Variants in ANO3 observed in about 807,000 individuals in gnomAD.
ANO3 encodes anoctamin-3.
Under a neutral mutation model 144.8 loss-of-function variants are expected in ANO3, and 99 were observed. The observed-to-expected ratio is 0.68, with a 90% CI of 0.58 to 0.81. ANO3 has a LOEUF of 0.81. Ranked by LOEUF, ANO3 falls within the 30% of genes least tolerant of loss-of-function variation. ANO3 has a pLI of 0.00. For synonymous variants in ANO3, 414 were observed against 392.6 expected, an observed-to-expected ratio of 1.05 and a Z score of -0.64; for missense variants, 905 against 1,202.2, an observed-to-expected ratio of 0.75 and a Z score of 3.66.
Position 26,358,292 on chromosome 11 carries a change from G to A in ANO3, c.46+25971G>A, listed in dbSNP as rs184608398. Among the ~76,000 whole-genome samples the A allele has an allele frequency of 9.0e-4, 136 of 150,424 alleles. No homozygotes were observed. The South Asian group carries it at 0.012, about 14-fold the overall frequency. On this transcript the variant is annotated intron_variant, in intron 1 of 26. Coordinates refer to ENST00000256737, the MANE Select transcript of ANO3 (RefSeq NM_031418.4). ...GTTCAAGCGATTCTCCTGCCTCAGC[G>A]TCCTGAGTAGCTGGGACTAAAGGCA... is the stretch of plus-strand genomic sequence containing the variant.
At chr11:26,289,808 A>G (rs945373404) in intron 1 of ANO3, among the ~76,000 whole-genome samples, 2 of 150,252 alleles carry the variant, frequency 1.3e-5, no homozygotes, top group African/African-American at 4.9e-5. Context: ...ATGTGTGTGT[A>G]TATATGTATA....
intron 1 of ANO3, among the ~76,000 whole-genome samples, chr11:26,218,788 C>T (rs1358663301): frequency 2.0e-5 from 3 of 151,836 alleles, no homozygotes; most frequent in African/African-American, 7.3e-5. Context: ...GCCTGTAGCC[C>T]ATAACATGGC....
intron 24 of ANO3, among the ~76,000 whole-genome samples, chr11:26,651,497 C>T (rs1853530993): frequency 1.3e-5 from 2 of 152,132 alleles, no homozygotes; most frequent in African/African-American, 2.4e-5. Flanking sequence ...TCTGTTAAAA[C>T]AGGCATTAAA....
chr11:26,269,160 G>A (rs555205781), intron 1 of ANO3, among the ~76,000 whole-genome samples: 3 of 152,250 alleles, frequency 2.0e-5, no homozygotes. Flanking sequence ...ATACACTTCA[G>A]GACTCAGCTC....
chr11:26,408,300 A>G (rs1234982040), intron 1 of ANO3, among the ~76,000 whole-genome samples: 1 of 151,830 alleles, frequency 6.6e-6, no homozygotes. Context: ...CAACCCCATC[A>G]AAAAGTGGGC....
intron 6 of ANO3, among the ~76,000 whole-genome samples, chr11:26,519,794 A>G (rs1230838493): frequency 6.6e-6 from 1 of 152,164 alleles, no homozygotes; most frequent in Non-Finnish European, 1.5e-5. Context: ...TTGGTAACAA[A>G]TGTTTGCCTT....
At chr11:26,311,354 C>T (rs547122685) in intron 1 of ANO3, among the ~76,000 whole-genome samples, 4 of 152,152 alleles carry the variant, frequency 2.6e-5, no homozygotes, top group Non-Finnish European at 5.9e-5. Context: ...TCTGCCCTCA[C>T]GAAGGCCTGA....
Position 26,246,716 on chromosome 11 carries a change from G to A in ANO3, c.154+57386G>A, listed in dbSNP as rs566104155. Among the ~76,000 whole-genome samples the A allele has an allele frequency of 2.5e-3, 376 of 152,012 alleles. 1 individual carries two copies. The highest frequency in any genetic ancestry group is 8.6e-3 in the African/African-American group (358 of 41,472). On this transcript the variant is annotated intron_variant, in intron 1 of 27. Transcript: ENST00000672621. ...CATAATCCTCGTGTGTGGCAGAGAC[G>A]TGGTGGGAGGTAATTGAGTCATGGG... is the stretch of plus-strand genomic sequence containing the variant.
At position 26,244,765 on chromosome 11, in the gene ANO3, G is replaced by A. The variant is rs144768406; in HGVS notation, c.154+55435G>A. Among the ~76,000 whole-genome samples, 174 of 152,048 alleles carry A rather than the reference G, an allele frequency of 1.1e-3. 1 individual carries two copies. The highest frequency in any genetic ancestry group is 3.4e-3 in the Middle Eastern group (1 of 294). ...GGTACTGCATCCTACATCTTCTGTG[G>A]TCTCTTATGTAACTGAAATAAAATG... On this transcript the variant is annotated intron_variant, in intron 1 of 27. Transcript: ENST00000672621.
chr11:26,383,488 T>C (rs1394421768), intron 1 of ANO3, among the ~76,000 whole-genome samples: 2 of 151,854 alleles, frequency 1.3e-5, no homozygotes, highest in African/African-American at 4.8e-5. Context: ...ATAATTAAAC[T>C]CACAGTAGTA....
chr11:26,653,452 A>G (rs1565168626), intron 24 of ANO3, among the ~76,000 whole-genome samples: 1 of 152,046 alleles, frequency 6.6e-6, no homozygotes, highest in Non-Finnish European at 1.5e-5. Flanking sequence ...AGCTCAAGAC[A>G]CTATCATCTC....
At position 26,550,960 on chromosome 11, in the gene ANO3, C is replaced by G. The variant is rs148557734; in HGVS notation, c.1290-2289C>G. Among the ~76,000 whole-genome samples the G allele has an allele frequency of 3.7e-3, 561 of 152,022 alleles. 3 individuals are homozygous for G. Among genetic ancestry groups the G allele is most frequent in the Middle Eastern group, 0.01 (3 of 294 alleles). On this transcript the variant is annotated intron_variant, in intron 12 of 26. Coordinates refer to ENST00000256737, the MANE Select transcript of ANO3 (RefSeq NM_031418.4). ...TTTAAAAGAGTAGTAGCAATCCTAA[C>G]AGGTGTGAGGTGATTTTTTATTGTA...
intron 1 of ANO3, among the ~76,000 whole-genome samples, chr11:26,234,631 A>C (rs1249142621): frequency 6.6e-6 from 1 of 152,134 alleles, no homozygotes; most frequent in African/African-American, 2.4e-5. Context: ...AGCCAACATG[A>C]CTCACAGGTG....
chr11:26,627,814 A>T (rs1256061518), intron 18 of ANO3, among the ~76,000 whole-genome samples: 2 of 131,280 alleles, frequency 1.5e-5, no homozygotes, highest in Middle Eastern at 3.9e-3. Context: ...AATAGAATCT[A>T]GTGTGTGTGT....
Position 26,656,170 on chromosome 11 carries a change from G to A in ANO3, c.2622G>A (p.Leu874=). ...YVNNSLSFFD[L]SELGMGKSGY... is the part of the protein sequence containing the mutation. ...ACAATAGCCTATCCTTCTTTGACCTGAGTGAGCTTGGTATGGGAAAATCTG... is the reference window on the plus strand; with the variant it reads ...ACAATAGCCTATCCTTCTTTGACCTAAGTGAGCTTGGTATGGGAAAATCTG... The change falls in exon 25 of 27, where the codon CTG becomes CTA. Residue 874 remains leucine, a synonymous_variant. Transcript: ENST00000256737. 1 of 1,613,680 alleles carries A rather than the reference G, an allele frequency of 6.2e-7. No individual in the cohort carries two copies. Among genetic ancestry groups the A allele is most frequent in the Non-Finnish European group, 8.5e-7 (1 of 1,179,736 alleles).
At chr11:26,563,827 A>G (rs1018815700) in intron 14 of ANO3, among the ~76,000 whole-genome samples, 1 of 151,878 alleles carries the variant, frequency 6.6e-6, no homozygotes, top group Non-Finnish European at 1.5e-5. Flanking sequence ...CTTGCATATC[A>G]AGAACAGTTG....
chr11:26,218,985 A>C (rs544348824), intron 1 of ANO3, among the ~76,000 whole-genome samples: 1 of 152,220 alleles, frequency 6.6e-6, no homozygotes, highest in Non-Finnish European at 1.5e-5. Context: ...ACCACCTACT[A>C]GGTTAGGGTT....
chr11:26,529,142 TA>T (rs372597973), intron 7 of ANO3, among the ~76,000 whole-genome samples: 516 of 3,118 alleles, frequency 0.17, 195 homozygotes, highest in Middle Eastern at 0.67. Flanking sequence ...ATATATATTA[TA>T]TAATAATATA....
chr11:26,237,480 G>A (rs1852560607), intron 1 of ANO3, among the ~76,000 whole-genome samples: 1 of 151,480 alleles, frequency 6.6e-6, no homozygotes, highest in Non-Finnish European at 1.5e-5. Context: ...CATATTTTAT[G>A]TAATTTCACT....
Sources: allele counts gnomAD v4.1 joint callset (sites outside exome capture counted in the v4.1 genomes callset), GRCh38; gene constraint gnomAD v4.1.1; transcripts MANE v1.5; gene names NCBI Gene and HGNC (gene_info 2026-07-23, HGNC 2026-07-21).